Variants in CALD1 observed in about 807,000 individuals in gnomAD.
CALD1 encodes caldesmon.
A neutral mutation model predicts 99.9 loss-of-function variants in CALD1; 33 were observed. The observed-to-expected ratio is 0.33, with a 90% CI of 0.25 to 0.44. The LOEUF (loss-of-function observed/expected upper bound fraction) is 0.44, where lower values mean the gene tolerates loss of function less well. CALD1 is among the 20% of genes least tolerant of loss of function. The probability of loss-of-function intolerance (pLI) is 1.00; values close to 1 mark genes in which losing one functional copy is unlikely to be tolerated. For synonymous variants in CALD1, 310 were observed against 325.0 expected (o/e 0.95, Z 0.50); for missense variants, 861 against 962.1 (o/e 0.89, Z 1.39).
intron 1 of CALD1, among the ~76,000 whole-genome samples, chr7:134,764,780 ATG>A (rs1796810936): frequency 6.6e-6 from 1 of 152,142 alleles, no homozygotes; most frequent in Non-Finnish European, 1.5e-5. Context: ...GAGTGGGCAA[ATG>A]TGAAGCGGGA....
At chr7:134,883,320 C>T (rs1222480231) in intron 3 of CALD1, among the ~76,000 whole-genome samples, 1 of 152,194 alleles carries the variant, frequency 6.6e-6, no homozygotes, top group Non-Finnish European at 1.5e-5. Context: ...TATTTCACAT[C>T]ATTGGCTTTC....
chr7:134,867,874 T>C, intron 3 of CALD1, 70 bp downstream of exon 3: 1 of 973,516 alleles, frequency 1.0e-6, no homozygotes, highest in Non-Finnish European at 1.5e-6. Context: ...TCAAAGACCA[T>C]CCTTTTGAGA....
intron 3 of CALD1, among the ~76,000 whole-genome samples, chr7:134,878,653 C>A (rs566722592): frequency 5.3e-4 from 81 of 152,002 alleles, no homozygotes; most frequent in Non-Finnish European, 9.3e-4. Context: ...ACAAAGAATT[C>A]TCATCAAAAT....
intron 3 of CALD1, among the ~76,000 whole-genome samples, chr7:134,903,784 C>T (rs1172897237): frequency 6.6e-6 from 1 of 152,084 alleles, no homozygotes; most frequent in East Asian, 1.9e-4. Context: ...CGGTCAAGTC[C>T]CTGTTTCCAA....
the CALD1 span, among the ~76,000 whole-genome samples, chr7:134,725,524 C>T: frequency 1.3e-5 from 2 of 152,160 alleles, no homozygotes; most frequent in East Asian, 3.8e-4. Flanking sequence ...TTCTGTGGTA[C>T]CCCCAATTCT....
chr7:134,941,967 T>C (rs887473888), intron 7 of CALD1, among the ~76,000 whole-genome samples: 1 of 152,164 alleles, frequency 6.6e-6, no homozygotes, highest in Non-Finnish European at 1.5e-5. Flanking sequence ...CATTTCTAAA[T>C]ACAGTCGAAT....
At chr7:134,871,632 G>T (rs910771033) in intron 3 of CALD1, among the ~76,000 whole-genome samples, 4 of 152,160 alleles carry the variant, frequency 2.6e-5, no homozygotes, top group African/African-American at 9.7e-5. Flanking sequence ...CACAGCCTTT[G>T]TACACCTGAC....
chr7:134,835,730 C>A (rs1799407394), intron 1 of CALD1, among the ~76,000 whole-genome samples: 2 of 152,156 alleles, frequency 1.3e-5, no homozygotes, highest in South Asian at 2.1e-4. Context: ...CTAAGTACAA[C>A]CTTTATTGAT....
At chr7:134,941,260 T>C (rs1167119824) in intron 7 of CALD1, 23 bp downstream of exon 7, 1 of 1,555,020 alleles carries the variant, frequency 6.4e-7, no homozygotes, top group African/African-American at 1.4e-5. Context: ...AACTAGTTAA[T>C]AGAAACTGTG....
At chr7:134,824,910 C>T (rs537500030) in intron 1 of CALD1, among the ~76,000 whole-genome samples, 1 of 152,236 alleles carries the variant, frequency 6.6e-6, no homozygotes, top group South Asian at 2.1e-4. Context: ...GGCCTGATGT[C>T]TCTGATGATG....
intron 1 of CALD1, among the ~76,000 whole-genome samples, chr7:134,811,158 A>G (rs964449974): frequency 6.6e-6 from 1 of 152,212 alleles, no homozygotes; most frequent in African/African-American, 2.4e-5. Flanking sequence ...TGATCCTTGT[A>G]TATCCTGCCC....
At chr7:134,896,072 T>A (rs925356439) in intron 3 of CALD1, among the ~76,000 whole-genome samples, 4 of 152,256 alleles carry the variant, frequency 2.6e-5, no homozygotes, top group South Asian at 4.1e-4. Flanking sequence ...CTGGCTCATA[T>A]CCCTGCCCTC....
intron 1 of CALD1, among the ~76,000 whole-genome samples, chr7:134,797,979 T>C (rs1314541201): frequency 6.6e-6 from 1 of 152,188 alleles, no homozygotes; most frequent in Non-Finnish European, 1.5e-5. Flanking sequence ...TATTACAGAG[T>C]TCTCATATGC....
At chr7:134,779,155 G>A (rs1797006303), upstream of CALD1, among the ~76,000 whole-genome samples, 2 of 152,136 alleles carry the variant, frequency 1.3e-5, no homozygotes, top group Non-Finnish European at 2.9e-5. Flanking sequence ...ACTCCCTCTG[G>A]TAAGAAGCCT....
intron 8 of CALD1, among the ~76,000 whole-genome samples, chr7:134,949,907 CAA>C (rs35356920): frequency 5.5e-4 from 76 of 137,802 alleles, no homozygotes; most frequent in East Asian, 1.1e-3. Flanking sequence ...GCTGATGAGC[CAA>C]AAAAAAAAAA....
intron 1 of CALD1, among the ~76,000 whole-genome samples, chr7:134,762,496 G>A (rs148088082): frequency 1.4e-3 from 208 of 152,280 alleles, no homozygotes; most frequent in African/African-American, 4.8e-3. Flanking sequence ...AGAAATACCA[G>A]AGACTAGGTA....
At chr7:134,961,784 A>T (rs1252117481) in intron 13 of CALD1, 1 of 152,194 alleles carries the variant, frequency 6.6e-6, no homozygotes, top group Non-Finnish European at 1.5e-5. Context: ...AAAAGGACAC[A>T]GTTGAGGCAA....
At chr7:134,756,776 A>G (rs1796733669) in intron 1 of CALD1, among the ~76,000 whole-genome samples, 2 of 152,234 alleles carry the variant, frequency 1.3e-5, no homozygotes, top group Admixed American at 1.3e-4. Context: ...ATTAATTCAT[A>G]TATCTTTTAA....
At chr7:134,729,335 C>T in the CALD1 span, among the ~76,000 whole-genome samples, 1 of 152,216 alleles carries the variant, frequency 6.6e-6, no homozygotes, top group African/African-American at 2.4e-5. Flanking sequence ...AGTCAAATGA[C>T]TCACCCATGG....
Sources: gnomAD v4.1 joint callset for allele counts (sites outside exome capture counted in the v4.1 genomes callset) on GRCh38, gnomAD v4.1.1 for gene constraint, MANE v1.5 for transcripts, NCBI Gene and HGNC (gene_info 2026-07-23, HGNC 2026-07-21) for gene names.